Variants in TPD52L1 observed in about 807,000 individuals in gnomAD.
TPD52L1 encodes the protein tumor protein D53.
In TPD52L1, 18 loss-of-function variants were observed where a neutral mutation model predicts 28.7. The observed-to-expected ratio is 0.63, with a 90% CI of 0.43 to 0.93. TPD52L1 has a LOEUF of 0.93. Among genes scored for constraint, TPD52L1 ranks in the 40% least tolerant of loss-of-function variants. The pLI is 0.00. For synonymous variants in TPD52L1, 75 were observed against 88.8 expected (o/e 0.84, Z 0.88); for missense variants, 203 against 254.8 (o/e 0.80, Z 1.39).
chr6:125,165,132 T>C (rs530608311), intron 1 of TPD52L1, among the ~76,000 whole-genome samples: 3 of 123,122 alleles, frequency 2.4e-5, no homozygotes, highest in Non-Finnish European at 4.8e-5. Context: ...TGTATACATA[T>C]ATAAAACTAA....
chr6:125,260,620 C>T (rs140013326), intron 6 of TPD52L1, among the ~76,000 whole-genome samples: 1,571 of 152,018 alleles, frequency 0.01, 29 homozygotes, highest in African/African-American at 0.036. Flanking sequence ...GCCTGGCCAA[C>T]GTGTTGAAAC....
intron 3 of TPD52L1, among the ~76,000 whole-genome samples, chr6:125,244,981 T>C (rs1737558361): frequency 6.6e-6 from 1 of 152,150 alleles, no homozygotes; most frequent in Non-Finnish European, 1.5e-5. Context: ...ACTGCAGTGA[T>C]TGTTATTTCT....
intron 1 of TPD52L1, among the ~76,000 whole-genome samples, chr6:125,192,002 T>TAGTC (rs997379049): frequency 2.6e-5 from 4 of 152,198 alleles, no homozygotes; most frequent in Non-Finnish European, 5.9e-5. Context: ...ATCTACTAAA[T>TAGTC]AGTCACCAGC....
chr6:125,256,073 G>A (rs191491767), intron 5 of TPD52L1, among the ~76,000 whole-genome samples: 1 of 152,290 alleles, frequency 6.6e-6, no homozygotes, highest in Admixed American at 6.5e-5. Flanking sequence ...TAGGGGCCAG[G>A]CACGGTGGCT....
At chr6:125,235,101 C>CAATAACAATAATAAT (rs1554214566) in intron 3 of TPD52L1, among the ~76,000 whole-genome samples, 6 of 142,548 alleles carry the variant, frequency 4.2e-5, no homozygotes, top group African/African-American at 1.6e-4. Context: ...CTACAAATAA[C>CAATAACAATAATAAT]AATAATAATA....
chr6:125,197,289 G>A (rs1022525226), intron 1 of TPD52L1, among the ~76,000 whole-genome samples: 3 of 152,028 alleles, frequency 2.0e-5, no homozygotes, highest in Non-Finnish European at 2.9e-5. Context: ...ATGATTTTAC[G>A]TTTTCATCTT....
At chr6:125,239,109 A>T (rs761814604) in intron 3 of TPD52L1, among the ~76,000 whole-genome samples, 1 of 152,142 alleles carries the variant, frequency 6.6e-6, no homozygotes, top group Non-Finnish European at 1.5e-5. Flanking sequence ...AAAAGTATTC[A>T]CTTTTCACCA....
chr6:125,193,943 T>A (rs776890620), intron 1 of TPD52L1, among the ~76,000 whole-genome samples: 1 of 151,822 alleles, frequency 6.6e-6, no homozygotes, highest in Non-Finnish European at 1.5e-5. Flanking sequence ...CTAACACTGA[T>A]GGTTCAATTT....
intron 1 of TPD52L1, among the ~76,000 whole-genome samples, chr6:125,211,299 C>CTATG (rs1350570195): frequency 6.7e-6 from 1 of 150,242 alleles, no homozygotes; most frequent in Non-Finnish European, 1.5e-5. Context: ...ATCTATCTAT[C>CTATG]TATCTATCGT....
chr6:125,223,467 G>T (rs1562319859), intron 2 of TPD52L1, among the ~76,000 whole-genome samples: 1 of 152,120 alleles, frequency 6.6e-6, no homozygotes, highest in Non-Finnish European at 1.5e-5. Flanking sequence ...CCAGCACTTT[G>T]GGAGGCCGAG....
chr6:125,250,034 G>A (rs532136509), intron 4 of TPD52L1, among the ~76,000 whole-genome samples: 65 of 151,926 alleles, frequency 4.3e-4, no homozygotes, highest in Non-Finnish European at 8.2e-4. Flanking sequence ...TAATTTTAAC[G>A]GCGTTATAAC....
intron 1 of TPD52L1, among the ~76,000 whole-genome samples, chr6:125,180,569 TAC>T (rs374673277): frequency 0.01 from 1,518 of 149,930 alleles, 13 homozygotes; most frequent in South Asian, 0.019. Context: ...ATATTATATA[TAC>T]ACACACACAC....
At chr6:125,154,948 A>G (rs3799782) in intron 1 of TPD52L1, among the ~76,000 whole-genome samples, 5,528 of 151,554 alleles carry the variant, frequency 0.036, 341 homozygotes, top group East Asian at 0.33. Flanking sequence ...AAAAAAAAAA[A>G]GGTTCATGAC....
At chr6:125,209,263 C>T (rs866661841) in intron 1 of TPD52L1, among the ~76,000 whole-genome samples, 28 of 152,338 alleles carry the variant, frequency 1.8e-4, no homozygotes, top group Middle Eastern at 6.8e-3. Flanking sequence ...TTGAACCCAG[C>T]CTCAAACATT....
intron 3 of TPD52L1, among the ~76,000 whole-genome samples, chr6:125,241,322 G>T (rs1796598528): frequency 6.6e-6 from 1 of 151,978 alleles, no homozygotes; most frequent in Non-Finnish European, 1.5e-5. Flanking sequence ...TACATTTGGT[G>T]ATACCAGCTT....
At chr6:125,239,933 A>T (rs944532683) in intron 3 of TPD52L1, among the ~76,000 whole-genome samples, 1 of 152,092 alleles carries the variant, frequency 6.6e-6, no homozygotes, top group Non-Finnish European at 1.5e-5. Flanking sequence ...TTCTGATGTT[A>T]TCCTCTAGAA....
intron 1 of TPD52L1, among the ~76,000 whole-genome samples, chr6:125,216,178 G>A (rs916055300): frequency 7.9e-5 from 12 of 152,140 alleles, no homozygotes; most frequent in Non-Finnish European, 1.6e-4. Context: ...CCAAGAGGCT[G>A]TTCCCTACAT....
At chr6:125,228,620 C>A (rs1324224490) in intron 2 of TPD52L1, among the ~76,000 whole-genome samples, 1 of 152,160 alleles carries the variant, frequency 6.6e-6, no homozygotes, top group African/African-American at 2.4e-5. Flanking sequence ...ACAGGAGAAT[C>A]CCTTGAGGCC....
intron 1 of TPD52L1, among the ~76,000 whole-genome samples, chr6:125,159,656 C>T (rs1273368759): frequency 3.3e-5 from 5 of 152,088 alleles, no homozygotes; most frequent in African/African-American, 1.2e-4. Flanking sequence ...CTAGTTCCAA[C>T]AAAAAAATCA....
Sources: allele counts gnomAD v4.1 joint callset (sites outside exome capture counted in the v4.1 genomes callset), GRCh38; gene constraint gnomAD v4.1.1; transcripts MANE v1.5; gene names NCBI Gene and HGNC (gene_info 2026-07-23, HGNC 2026-07-21).